Variants in ORC3 observed in about 807,000 individuals in gnomAD.
The protein encoded by ORC3 is origin recognition complex subunit 3.
Under a neutral mutation model 100.7 loss-of-function variants are expected in ORC3, and 78 were observed. The observed-to-expected ratio is 0.77, with a 90% CI of 0.65 to 0.94. The LOEUF is 0.94. ORC3 is among the 40% of genes least tolerant of loss of function. The pLI is 0.00. For missense variants in ORC3, 789 were observed against 823.9 expected, an observed-to-expected ratio of 0.96 and a Z score of 0.52; for synonymous variants, 295 against 289.3, an observed-to-expected ratio of 1.02 and a Z score of -0.20.
chr6:87,621,149 C>T (rs115303778), intron 9 of ORC3, among the ~76,000 whole-genome samples: 298 of 152,044 alleles, frequency 2.0e-3, no homozygotes, highest in African/African-American at 6.9e-3. Flanking sequence ...CATTTTCTGA[C>T]CTTCTTCACA....
chr6:87,661,625 G>A (rs1227596483), intron 16 of ORC3, among the ~76,000 whole-genome samples: 3 of 152,202 alleles, frequency 2.0e-5, no homozygotes, highest in Non-Finnish European at 4.4e-5. Context: ...ATACTTGGAA[G>A]AAGGGGAATA....
chr6:87,614,072 G>A (rs976807807), intron 8 of ORC3, among the ~76,000 whole-genome samples: 4 of 152,178 alleles, frequency 2.6e-5, no homozygotes, highest in African/African-American at 7.2e-5. Context: ...GGTTCTCCAT[G>A]AGGACCCTGC....
intron 5 of ORC3, among the ~76,000 whole-genome samples, chr6:87,607,044 T>C (rs1778393438): frequency 6.6e-6 from 1 of 152,202 alleles, no homozygotes; most frequent in Admixed American, 6.6e-5. Context: ...ACTTGAAAAC[T>C]GTTTATTTTC....
intron 13 of ORC3, among the ~76,000 whole-genome samples, chr6:87,642,474 T>A (rs934350519): frequency 1.3e-5 from 2 of 151,336 alleles, no homozygotes; most frequent in Non-Finnish European, 2.9e-5. Flanking sequence ...TCCCAGCTAC[T>A]CAGGAGGCTG....
At chr6:87,623,969 T>G (rs1002257648) in intron 11 of ORC3, among the ~76,000 whole-genome samples, 1 of 152,190 alleles carries the variant, frequency 6.6e-6, no homozygotes, top group Non-Finnish European at 1.5e-5. Flanking sequence ...TTCTTAGCAT[T>G]TATTTATGCT....
downstream of ORC3, among the ~76,000 whole-genome samples, chr6:87,672,328 T>G (rs1770851830): frequency 6.6e-6 from 1 of 152,190 alleles, no homozygotes; most frequent in Admixed American, 6.5e-5. Flanking sequence ...AAAAGATTTT[T>G]TAATAACATG....
At chr6:87,597,266 T>C (rs1382684041) in intron 2 of ORC3, among the ~76,000 whole-genome samples, 3 of 152,172 alleles carry the variant, frequency 2.0e-5, no homozygotes, top group Admixed American at 2.0e-4. Context: ...AAGTTTTGGC[T>C]GTGTTTTGAC....
chr6:87,617,369 A>G (rs1779233336), intron 9 of ORC3, among the ~76,000 whole-genome samples: 1 of 152,098 alleles, frequency 6.6e-6, no homozygotes, highest in South Asian at 2.1e-4. Context: ...AAAAGTTAGT[A>G]TTATTTCCTT....
At chr6:87,619,898 G>A (rs1334613315) in intron 9 of ORC3, among the ~76,000 whole-genome samples, 1 of 152,156 alleles carries the variant, frequency 6.6e-6, no homozygotes, top group Non-Finnish European at 1.5e-5. Flanking sequence ...GTCTCACTCT[G>A]TTGCCCAGGC....
At chr6:87,662,432 C>CA (rs1471449110) in intron 16 of ORC3, among the ~76,000 whole-genome samples, 14 of 151,158 alleles carry the variant, frequency 9.3e-5, no homozygotes, top group South Asian at 2.1e-4. Flanking sequence ...AACTCCGTCT[C>CA]AAAAAAAACC....
intron 3 of ORC3, among the ~76,000 whole-genome samples, chr6:87,602,812 C>T (rs1006205016): frequency 1.3e-5 from 2 of 150,866 alleles, no homozygotes; most frequent in Admixed American, 1.3e-4. Context: ...CCTTCTTAAC[C>T]CTGATCCAAT....
intron 11 of ORC3, among the ~76,000 whole-genome samples, chr6:87,625,345 T>C (rs982206708): frequency 2.6e-5 from 4 of 152,214 alleles, no homozygotes; most frequent in African/African-American, 7.2e-5. Flanking sequence ...CTCCACATTC[T>C]CTCCAGTATC....
At chr6:87,614,617 T>C (rs6907797) in intron 8 of ORC3, among the ~76,000 whole-genome samples, 10,730 of 152,242 alleles carry the variant, frequency 0.07, 408 homozygotes, top group East Asian at 0.095. Context: ...TCTTGAATGC[T>C]TTGCTGCTTA....
Position 87,664,800 on chromosome 6 carries a change from A to C in ORC3, c.1891A>C (p.Ile631Leu). The change falls in exon 18 of 20, where the codon ATA becomes CTA. Residue 631 changes from isoleucine (I) to leucine (L), a missense_variant. Transcript: ENST00000392844. ...CIPNIAPDIC[I>L]AYKLHLECSR... ...TCCGAATATCGCCCCAGACATCTGC[A>C]TAGCATACAAACTGCACCTAGAGTG... is the stretch of plus-strand genomic sequence containing the variant. 1 of 1,614,176 alleles carries C rather than the reference A, an allele frequency of 6.2e-7. No individual in the cohort carries two copies. Among genetic ancestry groups the C allele is most frequent in the East Asian group, 2.2e-5 (1 of 44,886 alleles).
At chr6:87,630,877 T>C (rs1235230766) in intron 11 of ORC3, among the ~76,000 whole-genome samples, 1 of 152,022 alleles carries the variant, frequency 6.6e-6, no homozygotes, top group Non-Finnish European at 1.5e-5. Context: ...GCTTTGCTTT[T>C]TTTTTTTCTT....
intron 14 of ORC3, among the ~76,000 whole-genome samples, chr6:87,655,533 TG>T (rs1242687838): frequency 6.6e-6 from 1 of 151,920 alleles, no homozygotes; most frequent in East Asian, 1.9e-4. Flanking sequence ...TTTGTATTTT[TG>T]TAGGGATGGG....
chr6:87,596,089 C>A (rs933110755), intron 2 of ORC3, among the ~76,000 whole-genome samples: 1 of 152,090 alleles, frequency 6.6e-6, no homozygotes, highest in Non-Finnish European at 1.5e-5. Flanking sequence ...GATCCTCCCA[C>A]CTCAGACCTC....
At position 87,634,789 on chromosome 6, in the gene ORC3, A is replaced by T. The variant is rs554971329; in HGVS notation, c.1186-56A>T. Reference sequence around the variant, plus strand: ...TTATAGCCATGAAGTAGATTGTATTATTATGCTCTTTTATTAGCTGACTTA... The same window carrying T: ...TTATAGCCATGAAGTAGATTGTATTTTTATGCTCTTTTATTAGCTGACTTA... On this transcript the variant is annotated intron_variant, in intron 11 of 19. Transcript: ENST00000392844. 4 of 863,410 alleles carry T rather than the reference A, an allele frequency of 4.6e-6. No individual in the cohort carries two copies. In the East Asian group the frequency reaches 9.7e-5, roughly 21 times the overall value. 53.5% of individuals were successfully genotyped at this position (863,410 alleles called of 1,614,324 possible).
chr6:87,605,963 G>A lies in ORC3; in HGVS notation c.369G>A (p.Glu123=). 1.9e-6 allele frequency: 3 copies of A among 1,611,010 alleles called. No individual in the cohort carries two copies. The highest frequency in any genetic ancestry group is 2.5e-6 in the Non-Finnish European group (3 of 1,177,416). Residue 123 remains glutamate (E), a synonymous_variant, in exon 5 of 20, where the codon GAG becomes GAA. Transcript: ENST00000392844. ...DHDLTFGSLT[E]ALQNNVTPYV... is the part of the protein sequence containing the mutation. The stretch of plus-strand genomic sequence containing the variant: ...ATTTGACATTCGGAAGTCTAACAGA[G>A]GCCCTTCAGAATAATGTCACACCAT...
Sources: allele counts gnomAD v4.1 joint callset (sites outside exome capture counted in the v4.1 genomes callset), GRCh38; gene constraint gnomAD v4.1.1; transcripts MANE v1.5; gene names NCBI Gene and HGNC (gene_info 2026-07-23, HGNC 2026-07-21).